Variants in CACNB2 observed in about 807,000 individuals in gnomAD.
CACNB2 encodes voltage-dependent L-type calcium channel subunit beta-2.
A neutral mutation model predicts 73.3 loss-of-function variants in CACNB2; 42 were observed. The ratio of observed to expected loss-of-function variants is 0.57; its 90% CI spans 0.45 to 0.74. The LOEUF is 0.74. CACNB2 is among the 30% of genes least tolerant of loss of function. The pLI is 0.00. For missense variants in CACNB2, 940 were observed against 853.0 expected, an observed-to-expected ratio of 1.10 and a Z score of -1.27; for synonymous variants, 348 against 310.3, an observed-to-expected ratio of 1.12 and a Z score of -1.28.
intron 2 of CACNB2, among the ~76,000 whole-genome samples, chr10:18,314,116 G>GT (rs11396471): frequency 0.54 from 81,758 of 151,962 alleles, 22,819 homozygotes; most frequent in Admixed American, 0.59. Flanking sequence ...TTGGACACAC[G>GT]TATACATGGA....
intron 3 of CACNB2, among the ~76,000 whole-genome samples, chr10:18,408,880 C>G (rs2044450022): frequency 6.6e-6 from 1 of 152,234 alleles, no homozygotes; most frequent in Admixed American, 6.5e-5. Flanking sequence ...TAGACAAGGT[C>G]TCACTCTGTT....
chr10:18,464,399 G>C (rs2047747420), intron 3 of CACNB2, among the ~76,000 whole-genome samples: 1 of 67,126 alleles, frequency 1.5e-5, no homozygotes, highest in Non-Finnish European at 3.3e-5. Flanking sequence ...GCAACAGAGT[G>C]AGACCCTGTC....
intron 2 of CACNB2, among the ~76,000 whole-genome samples, chr10:18,328,336 T>C (rs758725239): frequency 8.5e-5 from 13 of 152,182 alleles, no homozygotes; most frequent in Non-Finnish European, 1.5e-5. Flanking sequence ...TGGGATTCAA[T>C]AGTTGGTATA....
At chr10:18,248,356 G>T (rs1032594501) in intron 2 of CACNB2, among the ~76,000 whole-genome samples, 3 of 152,116 alleles carry the variant, frequency 2.0e-5, no homozygotes, top group African/African-American at 4.8e-5. Flanking sequence ...AAGAATAATG[G>T]AATACTTCTG....
intron 3 of CACNB2, among the ~76,000 whole-genome samples, chr10:18,498,032 TG>T (rs112455970): frequency 2.6e-5 from 4 of 152,334 alleles, no homozygotes; most frequent in African/African-American, 9.6e-5. Flanking sequence ...TATTCATGTT[TG>T]TGTTTCCTGA....
At chr10:18,235,881 G>A (rs945632620) in intron 2 of CACNB2, among the ~76,000 whole-genome samples, 22 of 152,120 alleles carry the variant, frequency 1.4e-4, no homozygotes, top group Admixed American at 5.2e-4. Flanking sequence ...GGATTAGATC[G>A]TAGGGGCAGA....
chr10:18,243,429 G>A (rs1263932103), intron 2 of CACNB2, among the ~76,000 whole-genome samples: 1 of 152,164 alleles, frequency 6.6e-6, no homozygotes, highest in Admixed American at 6.5e-5. Flanking sequence ...CAAGGAGAAT[G>A]GTGAAAGAGA....
intron 2 of CACNB2, among the ~76,000 whole-genome samples, chr10:18,315,357 CAAAACA>C (rs1554791128): frequency 1.6e-4 from 20 of 125,654 alleles, no homozygotes; most frequent in Non-Finnish European, 2.8e-4. Context: ...CAAAACAAAA[CAAAACA>C]AAAACAAAAA....
intron 2 of CACNB2, among the ~76,000 whole-genome samples, chr10:18,247,893 A>G (rs1243189388): frequency 2.0e-5 from 3 of 152,182 alleles, no homozygotes; most frequent in Admixed American, 6.5e-5. Flanking sequence ...TGATGATGTT[A>G]CAGTAACACA....
intron 2 of CACNB2, among the ~76,000 whole-genome samples, chr10:18,339,828 A>T (rs1215745549): frequency 6.6e-6 from 1 of 152,236 alleles, no homozygotes; most frequent in Non-Finnish European, 1.5e-5. Flanking sequence ...TAATTTAAAA[A>T]TGTAAAACAC....
intron 3 of CACNB2, among the ~76,000 whole-genome samples, chr10:18,467,010 C>T (rs1003189688): frequency 2.6e-5 from 4 of 151,888 alleles, no homozygotes; most frequent in South Asian, 2.1e-4. Context: ...AAAAATTAGC[C>T]GGGCATGGTG....
In CACNB2 at chr10:18,150,868, T is replaced by TTTTTTTTTTTTTG; in HGVS notation, c.121-3_121-2insGTTTTTTTTTTTT. 2 of 1,127,140 alleles carry TTTTTTTTTTTTTG rather than the reference T, an allele frequency of 1.8e-6. No individual in the cohort carries two copies. Among genetic ancestry groups the TTTTTTTTTTTTTG allele is most frequent in the Non-Finnish European group, 2.4e-6 (2 of 825,938 alleles). 69.8% of individuals were successfully genotyped at this position (1,127,140 alleles called of 1,614,324 possible). ...AATCTTATTTGTCTTTTTTTTTTTT[T>TTTTTTTTTTTTTG]TTTTTTTTTTTTAGTCATATGGAAA... On this transcript the variant is annotated splice_polypyrimidine_tract_variant and intron_variant, in intron 1 of 13. Transcript: ENST00000324631.
chr10:18,397,533 A>G (rs1377319447), intron 2 of CACNB2, among the ~76,000 whole-genome samples: 3 of 151,752 alleles, frequency 2.0e-5, no homozygotes, highest in Non-Finnish European at 4.4e-5. Flanking sequence ...GTGGAAAAAC[A>G]ATGAAACCCC....
In CACNB2 at chr10:18,540,548, A is replaced by ACCAT. The variant is rs546683400; in HGVS notation, c.*827_*830dup. 205 of 152,672 alleles carry ACCAT rather than the reference A, an allele frequency of 1.3e-3. 2 individuals are homozygous for ACCAT. The highest frequency in any genetic ancestry group is 4.8e-3 in the African/African-American group (198 of 41,548). 9.5% of individuals were successfully genotyped at this position (152,672 alleles called of 1,614,324 possible). A position where few individuals can be genotyped will look rare whatever the true frequency, so the allele number is the denominator to read the frequency against. On this transcript the variant is annotated 3_prime_UTR_variant, in exon 14 of 14. Transcript: ENST00000324631. ...AAAAGGTTTGAATTCTGAATGTTAT[A>ACCAT]CCATCCTTGTAAGTAAGTTTGTAAT...
intron 2 of CACNB2, among the ~76,000 whole-genome samples, chr10:18,219,170 C>T (rs1048961005): frequency 1.4e-5 from 2 of 147,830 alleles, no homozygotes; most frequent in African/African-American, 2.6e-5. Context: ...GTCTCAAAGA[C>T]ACAAAAAATA....
At chr10:18,519,045 T>G (rs1464191553) in intron 9 of CACNB2, 77 bp downstream of exon 9, 1 of 1,285,562 alleles carries the variant, frequency 7.8e-7, no homozygotes, top group East Asian at 2.3e-5. Context: ...TGCGTGTGAT[T>G]CCAAGAGAAA....
At chr10:18,149,200 A>C (rs1229844161) in intron 1 of CACNB2, among the ~76,000 whole-genome samples, 1 of 152,186 alleles carries the variant, frequency 6.6e-6, no homozygotes, top group African/African-American at 2.4e-5. Context: ...AAAATTTTAA[A>C]GAGATTTTCA....
At chr10:18,310,303 A>G (rs1589007455) in intron 2 of CACNB2, among the ~76,000 whole-genome samples, 1 of 152,168 alleles carries the variant, frequency 6.6e-6, no homozygotes, top group Non-Finnish European at 1.5e-5. Flanking sequence ...AAAGCATACA[A>G]TTTAAAAAAG....
At chr10:18,358,120 T>G (rs2041996529) in intron 2 of CACNB2, among the ~76,000 whole-genome samples, 1 of 152,228 alleles carries the variant, frequency 6.6e-6, no homozygotes, top group South Asian at 2.1e-4. Context: ...AGAGTCTCAC[T>G]CTGTCACCCA....
Sources: allele counts gnomAD v4.1 joint callset (sites outside exome capture counted in the v4.1 genomes callset), GRCh38; gene constraint gnomAD v4.1.1; transcripts MANE v1.5; gene names NCBI Gene and HGNC (gene_info 2026-07-23, HGNC 2026-07-21).